Variants in ATP6V0D1 observed in about 807,000 individuals in gnomAD.
The protein encoded by ATP6V0D1 is ATPase H+ transporting V0 subunit d1, also known as V-type proton ATPase subunit d 1.
Under a neutral mutation model 39.0 loss-of-function variants are expected in ATP6V0D1, and 13 were observed. The ratio of observed to expected loss-of-function variants is 0.33; its 90% CI spans 0.22 to 0.53. ATP6V0D1 has a LOEUF of 0.53. ATP6V0D1 is among the 20% of genes least tolerant of loss of function. The probability of loss-of-function intolerance (pLI) is 0.94; values close to 1 mark genes in which losing one functional copy is unlikely to be tolerated. For missense variants in ATP6V0D1, 272 were observed against 470.9 expected, an observed-to-expected ratio of 0.58 and a Z score of 3.91; for synonymous variants, 191 against 191.2, an observed-to-expected ratio of 1.00 and a Z score of 0.01.
intron 1 of ATP6V0D1, among the ~76,000 whole-genome samples, chr16:67,460,787 T>C (rs1400699239): frequency 6.6e-6 from 1 of 151,978 alleles, no homozygotes; most frequent in African/African-American, 2.4e-5. Context: ...AGCTGATCCA[T>C]CCCACAGCCC....
At chr16:67,470,027 C>T (rs2041360359) in intron 1 of ATP6V0D1, among the ~76,000 whole-genome samples, 1 of 152,210 alleles carries the variant, frequency 6.6e-6, no homozygotes, top group Non-Finnish European at 1.5e-5. Flanking sequence ...TATGGAACTT[C>T]ATGCTTTTGA....
At chr16:67,460,505 AC>A (rs2041280820) in intron 1 of ATP6V0D1, among the ~76,000 whole-genome samples, 1 of 151,526 alleles carries the variant, frequency 6.6e-6, no homozygotes, top group African/African-American at 2.4e-5. Context: ...GAAACCATTA[AC>A]CCTGGGTTTA....
intron 4 of ATP6V0D1, among the ~76,000 whole-genome samples, chr16:67,442,155 C>T (rs1023821631): frequency 6.6e-6 from 1 of 152,276 alleles, no homozygotes; most frequent in Non-Finnish European, 1.5e-5. Flanking sequence ...TACCACCAAC[C>T]CTCACTGTGC....
chr16:67,471,029 CA>C (rs2041368655), intron 1 of ATP6V0D1, among the ~76,000 whole-genome samples: 1 of 152,204 alleles, frequency 6.6e-6, no homozygotes, highest in Admixed American at 6.5e-5. Flanking sequence ...CCCACAAATC[CA>C]TCCTCTAGAG....
rs1320927346 is a variant in ATP6V0D1, at chr16:67,447,714, A to G, written c.303-3008T>C. Among the ~76,000 whole-genome samples, 1 of 152,190 alleles carries G rather than the reference A, an allele frequency of 6.6e-6. No individual in the cohort carries two copies. The highest frequency in any genetic ancestry group is 1.5e-5 in the Non-Finnish European group (1 of 68,026). On this transcript the variant is annotated intron_variant, in intron 2 of 7. Transcript: ENST00000290949. The surrounding 1 kb of genome is among the most constrained non-coding windows in gnomAD (Gnocchi z 4.1). ...CCACAGACATCTTGGGTTGGAGTTT[A>G]GGAAGCCACTTCCTCCAAGAAGCCT...
chr16:67,477,142 G>A (rs1475152584), intron 1 of ATP6V0D1, among the ~76,000 whole-genome samples: 16 of 146,850 alleles, frequency 1.1e-4, no homozygotes, highest in Admixed American at 1.0e-3. Flanking sequence ...CTAATTTAAA[G>A]TGGGAACAAG....
intron 1 of ATP6V0D1, among the ~76,000 whole-genome samples, chr16:67,468,499 G>A (rs1245927060): frequency 1.3e-5 from 2 of 151,546 alleles, no homozygotes; most frequent in South Asian, 2.1e-4. Flanking sequence ...GAGTTGGGAG[G>A]ATTGCTTGAG....
At chr16:67,443,976 G>A (rs892162739) in intron 3 of ATP6V0D1, among the ~76,000 whole-genome samples, 3 of 152,220 alleles carry the variant, frequency 2.0e-5, no homozygotes, top group Non-Finnish European at 4.4e-5. Flanking sequence ...AAGCAGGCAG[G>A]AACTAGCACT....
rs1384077318 is a variant in ATP6V0D1, at chr16:67,453,491, G to A, written c.302+53C>T. 25 of 1,595,122 alleles carry A rather than the reference G, an allele frequency of 1.6e-5. No homozygotes were observed. Among genetic ancestry groups the A allele is most frequent in the Non-Finnish European group, 2.0e-5 (23 of 1,167,240 alleles). ...AGCCACACTGAACCCAGCTCCTGCA[G>A]GTGTAGCTATCCTGCCCAGGTAAGA... On this transcript the variant is annotated intron_variant, in intron 2 of 7. Transcript: ENST00000290949. The surrounding 1 kb of genome is among the most constrained non-coding windows in gnomAD (Gnocchi z 4.1).
chr16:67,481,051 G>A lies in ATP6V0D1; in HGVS notation c.36C>T (p.Asp12=), dbSNP rs1483865211. 2 of 1,614,188 alleles carry A rather than the reference G, an allele frequency of 1.2e-6. No individual in the cohort carries two copies. The highest frequency in any genetic ancestry group is 1.7e-5 in the Admixed American group (1 of 60,036). ...SFFPELYFNV[D]NGYLEGLVRG... is the part of the protein sequence containing the mutation. ...GCACCAGTCCCTCCAAGTAGCCATTGTCCACGTTAAAGTAAAGCTCCGGGA... is the reference window on the plus strand; with the variant it reads ...GCACCAGTCCCTCCAAGTAGCCATTATCCACGTTAAAGTAAAGCTCCGGGA... Residue 12 remains aspartate (D), a synonymous_variant, in exon 1 of 8, where the codon GAC becomes GAT. Transcript: ENST00000290949.
Position 67,447,970 on chromosome 16 carries a change from G to A in ATP6V0D1, c.303-3264C>T, listed in dbSNP as rs1229015951. On this transcript the variant is annotated intron_variant, in intron 2 of 7. Coordinates refer to ENST00000290949, the MANE Select transcript of ATP6V0D1 (RefSeq NM_004691.5). The surrounding 1 kb of genome is among the most constrained non-coding windows in gnomAD (Gnocchi z 4.1). ...GGTCCTGAAGAGCCCTGTGCAGAGT[G>A]GAAAGTGAACAGAAATATCACTGTT... 1.3e-5 allele frequency among the ~76,000 whole-genome samples: 2 copies of A among 152,170 alleles called. No individual in the cohort carries two copies. Among genetic ancestry groups the A allele is most frequent in the African/African-American group, 2.4e-5 (1 of 41,448 alleles).
intron 1 of ATP6V0D1, among the ~76,000 whole-genome samples, chr16:67,477,025 T>TAAAAAAA (rs199765066): frequency 5.0e-5 from 2 of 40,204 alleles, no homozygotes; most frequent in African/African-American, 7.2e-5. Flanking sequence ...TGTCTCAAAT[T>TAAAAAAA]AAAAAAAAAA....
At chr16:67,475,782 C>T (rs2041409466) in intron 1 of ATP6V0D1, among the ~76,000 whole-genome samples, 1 of 152,134 alleles carries the variant, frequency 6.6e-6, no homozygotes, top group African/African-American at 2.4e-5. Context: ...TGGAAAAAAC[C>T]AAGACTGATG....
chr16:67,465,895 G>A (rs1393006743), intron 1 of ATP6V0D1, among the ~76,000 whole-genome samples: 3 of 152,136 alleles, frequency 2.0e-5, no homozygotes, highest in Admixed American at 1.3e-4. Flanking sequence ...GCTGCCCCAC[G>A]GAAAAGCAGA....
chr16:67,452,487 G>A, intron 2 of ATP6V0D1: 1 of 1,252,878 alleles, frequency 8.0e-7, no homozygotes, highest in South Asian at 1.3e-5. Flanking sequence ...GCAGGGACAA[G>A]TGGGGCAGGT....
chr16:67,467,282 G>A (rs540321619), intron 1 of ATP6V0D1, among the ~76,000 whole-genome samples: 119 of 152,278 alleles, frequency 7.8e-4, no homozygotes, highest in South Asian at 3.5e-3. Context: ...CGAGGTGGGC[G>A]GATCACGAGG....
In ATP6V0D1 at chr16:67,453,564, G is replaced by A. The variant is rs1386870729; in HGVS notation, c.282C>T (p.Ala94=). 6.2e-7 allele frequency: 1 copy of A among 1,614,088 alleles called. No homozygotes were observed. The part of the protein sequence containing the change: ...HMRNHAYEPL[A]SFLDFITYSY... Reference sequence around the variant, plus strand: ...CTCACGTAATGAAGTCTAGGAAGCTGGCGAGTGGCTCATAGGCATGGTTCC... The same window carrying A: ...CTCACGTAATGAAGTCTAGGAAGCTAGCGAGTGGCTCATAGGCATGGTTCC... The change falls in exon 2 of 8, where the codon GCC becomes GCT. Residue 94 remains alanine (A), a synonymous_variant. Coordinates refer to ENST00000290949, the MANE Select transcript of ATP6V0D1 (RefSeq NM_004691.5). This position sits in a 1 kb window ranked among gnomAD's most constrained non-coding sequence, Gnocchi z 4.1.
At chr16:67,440,997 C>T (rs76500781) in intron 4 of ATP6V0D1, 2 of 152,344 alleles carry the variant, frequency 1.3e-5, no homozygotes, top group East Asian at 3.9e-4. Flanking sequence ...TGTCAAAAAT[C>T]CCACAGCCTG....
At chr16:67,442,680 G>A (rs977511353) in intron 4 of ATP6V0D1, among the ~76,000 whole-genome samples, 8 of 152,122 alleles carry the variant, frequency 5.3e-5, no homozygotes, top group African/African-American at 1.7e-4. Flanking sequence ...GCTATGCCTC[G>A]CCAGATCCCT....
Sources: gnomAD v4.1 joint callset for allele counts (sites outside exome capture counted in the v4.1 genomes callset) on GRCh38, gnomAD v4.1.1 for gene constraint, Gnocchi (gnomAD v3.1) non-coding constraint, MANE v1.5 for transcripts, NCBI Gene and HGNC (gene_info 2026-07-23, HGNC 2026-07-21) for gene names.